Variants in CD1B observed in about 807,000 individuals in gnomAD.
CD1B encodes T-cell surface glycoprotein CD1b.
Under a neutral mutation model 39.8 loss-of-function variants are expected in CD1B, and 43 were observed. That is an observed-to-expected ratio of 1.08 (90% CI 0.85 to 1.39). CD1B has a LOEUF of 1.39. Ranked by LOEUF, CD1B falls within the 40% of genes most tolerant of loss-of-function variation. The probability of loss-of-function intolerance (pLI) is 0.00; values close to 1 mark genes in which losing one functional copy is unlikely to be tolerated. For missense variants in CD1B, 495 were observed against 403.8 expected (o/e 1.23, Z -1.94); for synonymous variants, 192 against 152.5 (o/e 1.26, Z -1.91).
chr1:158,315,717 C>T, the CD1B span, among the ~76,000 whole-genome samples: 17 of 151,978 alleles, frequency 1.1e-4, no homozygotes, highest in Non-Finnish European at 1.8e-4. Context: ...GTGTTTTAGA[C>T]ATGAAGTCCT....
At chr1:158,297,139 A>C in the CD1B span, among the ~76,000 whole-genome samples, 2 of 152,214 alleles carry the variant, frequency 1.3e-5, no homozygotes, top group Non-Finnish European at 2.9e-5. Flanking sequence ...CATCCTCAAG[A>C]TACACAATAA....
the CD1B span, among the ~76,000 whole-genome samples, chr1:158,287,424 G>A: frequency 6.6e-6 from 1 of 152,142 alleles, no homozygotes; most frequent in Non-Finnish European, 1.5e-5. Flanking sequence ...TTAGACATGA[G>A]ATTGACATTA....
downstream of CD1B, among the ~76,000 whole-genome samples, chr1:158,326,220 C>T (rs1652347669): frequency 6.6e-6 from 1 of 152,164 alleles, no homozygotes; most frequent in South Asian, 2.1e-4. Flanking sequence ...GATCCGCCCG[C>T]CTCGGCCTCC....
the CD1B span, chr1:158,291,208 G>A: frequency 6.2e-7 from 1 of 1,613,914 alleles, no homozygotes; most frequent in Non-Finnish European, 8.5e-7. Context: ...ACGAGGTCAG[G>A]GCTCAGGATG....
At chr1:158,287,301 A>G in the CD1B span, among the ~76,000 whole-genome samples, 1 of 152,150 alleles carries the variant, frequency 6.6e-6, no homozygotes, top group Admixed American at 6.6e-5. Flanking sequence ...ACACACACAC[A>G]CAGAGACAGA....
Position 158,331,465 on chromosome 1 carries a change from T to G in CD1B, c.-42A>C. The G allele has an allele frequency of 6.5e-7, 1 of 1,532,598 alleles. No homozygotes were observed. Among genetic ancestry groups the G allele is most frequent in the Non-Finnish European group, 9.0e-7 (1 of 1,107,220 alleles). 94.9% of individuals were successfully genotyped at this position (1,532,598 alleles called of 1,614,324 possible). A position where few individuals can be genotyped will look rare whatever the true frequency, so the allele number is the denominator to read the frequency against. On this transcript the variant is annotated 5_prime_UTR_variant, in exon 1 of 6. Transcript: ENST00000368168. ...ACTTCTTACTGGCAGAGCTGGTATT[T>G]GATCTCCAATTTCAGCAAAGCTTTT... is the stretch of plus-strand genomic sequence containing the variant.
the CD1B span, among the ~76,000 whole-genome samples, chr1:158,320,354 C>T: frequency 6.6e-6 from 1 of 152,216 alleles, no homozygotes; most frequent in East Asian, 1.9e-4. Flanking sequence ...GGGATATAAT[C>T]TCATGGTGTG....
chr1:158,300,379 T>C, the CD1B span, among the ~76,000 whole-genome samples: 1 of 152,300 alleles, frequency 6.6e-6, no homozygotes, highest in African/African-American at 2.4e-5. Flanking sequence ...TTACATTTGC[T>C]GAGGAGTGCT....
the CD1B span, among the ~76,000 whole-genome samples, chr1:158,318,361 T>C: frequency 3.9e-5 from 6 of 152,180 alleles, no homozygotes; most frequent in Admixed American, 3.9e-4. Flanking sequence ...ATTGGGTGCA[T>C]ATATATTTAG....
chr1:158,328,077 T>C lies in CD1B; in HGVS notation c.*159A>G, dbSNP rs1652426191. On this transcript the variant is annotated 3_prime_UTR_variant, in exon 6 of 6. Transcript: ENST00000368168. ...AATAAATTTACAGTTTTAAGTACTT[T>C]TTTGCTGATGTTTAAATAATAATTT... The C allele has an allele frequency of 1.6e-6, 1 of 618,550 alleles. No homozygotes were observed. Among genetic ancestry groups the C allele is most frequent in the South Asian group, 2.2e-5 (1 of 44,466 alleles). The allele number at this position is 618,550 out of a possible 1,614,324, so 38.3% of individuals were successfully genotyped here. A position where few individuals can be genotyped will look rare whatever the true frequency, so the allele number is the denominator to read the frequency against.
At chr1:158,320,720 AT>A in the CD1B span, among the ~76,000 whole-genome samples, 1 of 151,004 alleles carries the variant, frequency 6.6e-6, no homozygotes. Flanking sequence ...TCCCATTTCC[AT>A]TTTTTCAAGA....
At chr1:158,288,688 T>C in the CD1B span, among the ~76,000 whole-genome samples, 2 of 152,370 alleles carry the variant, frequency 1.3e-5, no homozygotes, top group South Asian at 4.1e-4. Context: ...TCATTGTGCC[T>C]AGCACAAATT....
At chr1:158,323,209 C>T (rs375913679), downstream of CD1B, among the ~76,000 whole-genome samples, 18 of 152,018 alleles carry the variant, frequency 1.2e-4, no homozygotes, top group East Asian at 2.3e-3. Context: ...CCACTTTGGC[C>T]ATATTTCAAA....
downstream of CD1B, among the ~76,000 whole-genome samples, chr1:158,327,754 G>A (rs1258084940): frequency 6.6e-6 from 1 of 152,208 alleles, no homozygotes; most frequent in Non-Finnish European, 1.5e-5. Context: ...TCCTGAGGAA[G>A]AAACATCTCA....
At chr1:158,323,984 G>A (rs1020973757), downstream of CD1B, among the ~76,000 whole-genome samples, 18 of 152,310 alleles carry the variant, frequency 1.2e-4, no homozygotes, top group African/African-American at 4.3e-4. Context: ...TGAGATAAGG[G>A]TAAGTCTTTC....
rs2101718365 is a variant in CD1B, at chr1:158,331,010, A to G, written c.114T>C (p.Asn38=). The G allele has an allele frequency of 1.2e-6, 2 of 1,614,130 alleles. No homozygotes were observed. The highest frequency in any genetic ancestry group is 1.7e-6 in the Non-Finnish European group (2 of 1,180,002). The change falls in exon 2 of 6, where the codon AAT becomes AAC. Residue 38 remains asparagine, a synonymous_variant. Coordinates refer to ENST00000368168, the MANE Select transcript of CD1B (RefSeq NM_001764.3). ...AGCCTTGAGTTTGTGCCCAGGTACT[A>G]TTGGTAAAGGACGAGGTCTGGATAA... ...FHVIQTSSFT[N]STWAQTQGSG... is the part of the protein sequence containing the mutation.
the CD1B span, among the ~76,000 whole-genome samples, chr1:158,305,965 C>T: frequency 1.4e-4 from 21 of 152,284 alleles, 1 homozygote; most frequent in South Asian, 6.2e-4. Flanking sequence ...TGGTACCAGC[C>T]ACTGCAAAAA....
chr1:158,291,047 A>G, the CD1B span: 1 of 1,355,802 alleles, frequency 7.4e-7, no homozygotes, highest in Admixed American at 2.4e-5. Context: ...CTCTGTGGTA[A>G]CTGGTTCACC....
chr1:158,320,593 A>T, the CD1B span, among the ~76,000 whole-genome samples: 2 of 152,056 alleles, frequency 1.3e-5, no homozygotes, highest in Non-Finnish European at 2.9e-5. Context: ...GGTACCTCAG[A>T]TGGAAATGCA....
Sources: allele counts gnomAD v4.1 joint callset (sites outside exome capture counted in the v4.1 genomes callset), GRCh38; gene constraint gnomAD v4.1.1; transcripts MANE v1.5; gene names NCBI Gene and HGNC (gene_info 2026-07-23, HGNC 2026-07-21).